The following SCMH1 variants were observed in gnomAD, a reference collection of about 807,000 sequenced individuals.
The protein encoded by SCMH1 is polycomb protein SCMH1.
In SCMH1, 37 loss-of-function variants were observed where a neutral mutation model predicts 70.8. The ratio of observed to expected loss-of-function variants is 0.52; its 90% CI spans 0.40 to 0.69. The LOEUF (loss-of-function observed/expected upper bound fraction) is 0.69. Ranked by LOEUF, SCMH1 falls within the 30% of genes least tolerant of loss-of-function variation. SCMH1 has a pLI of 0.00. For synonymous variants in SCMH1, 292 were observed against 307.4 expected, an observed-to-expected ratio of 0.95 and a Z score of 0.52; for missense variants, 607 against 827.3, an observed-to-expected ratio of 0.73 and a Z score of 3.27.
chr1:41,062,444 A>AAAT (rs955120933), intron 10 of SCMH1, among the ~76,000 whole-genome samples: 4 of 151,886 alleles, frequency 2.6e-5, no homozygotes, highest in African/African-American at 9.7e-5. Context: ...TCTCTACTAA[A>AAAT]AATATAAAAA....
intron 2 of SCMH1, among the ~76,000 whole-genome samples, chr1:41,180,373 G>C (rs1648374407): frequency 6.6e-6 from 1 of 152,176 alleles, no homozygotes; most frequent in African/African-American, 2.4e-5. Context: ...AGGGCAATCA[G>C]ACAGGAGAAG....
At chr1:41,081,136 C>A (rs892719926) in intron 8 of SCMH1, among the ~76,000 whole-genome samples, 1 of 151,982 alleles carries the variant, frequency 6.6e-6, no homozygotes, top group African/African-American at 2.4e-5. Context: ...ATTTAAAAAT[C>A]CACAAAATCA....
At chr1:41,138,437 T>C (rs541364354) in intron 6 of SCMH1, among the ~76,000 whole-genome samples, 77 of 152,356 alleles carry the variant, frequency 5.1e-4, no homozygotes, top group African/African-American at 1.7e-3. Flanking sequence ...ATATACATAT[T>C]GGATTTTTGT....
intron 1 of SCMH1, among the ~76,000 whole-genome samples, chr1:41,218,221 T>C (rs1658507985): frequency 6.6e-6 from 1 of 152,140 alleles, no homozygotes; most frequent in African/African-American, 2.4e-5. Context: ...GAACATAAAT[T>C]TTAGGGGGCC....
chr1:41,119,862 T>G (rs1164460742), intron 6 of SCMH1, among the ~76,000 whole-genome samples: 1 of 152,208 alleles, frequency 6.6e-6, no homozygotes, highest in East Asian at 1.9e-4. Flanking sequence ...CTTTTTTCCC[T>G]CTCTAATCTG....
chr1:41,197,752 G>A (rs931306193), intron 1 of SCMH1, among the ~76,000 whole-genome samples: 14 of 152,108 alleles, frequency 9.2e-5, no homozygotes, highest in African/African-American at 3.4e-4. Context: ...TCATTCAACT[G>A]TCTTGCAAAA....
intron 5 of SCMH1, among the ~76,000 whole-genome samples, chr1:41,146,903 TG>T (rs912004692): frequency 1.3e-5 from 2 of 152,218 alleles, no homozygotes; most frequent in African/African-American, 4.8e-5. Context: ...ATTTTTTTAA[TG>T]AATCAAAATT....
chr1:41,149,418 T>C (rs1644868481), intron 5 of SCMH1, among the ~76,000 whole-genome samples: 1 of 152,222 alleles, frequency 6.6e-6, no homozygotes, highest in Admixed American at 6.5e-5. Context: ...AAAATAATTA[T>C]TTTAATGTGT....
At chr1:41,142,188 T>C (rs1572549675) in intron 6 of SCMH1, among the ~76,000 whole-genome samples, 1 of 152,116 alleles carries the variant, frequency 6.6e-6, no homozygotes, top group Non-Finnish European at 1.5e-5. Context: ...TGATACATGC[T>C]CTCTAATTCT....
At chr1:41,181,403 G>A (rs1373695285) in intron 2 of SCMH1, among the ~76,000 whole-genome samples, 1 of 152,148 alleles carries the variant, frequency 6.6e-6, no homozygotes, top group Non-Finnish European at 1.5e-5. Context: ...CCATCAGAGT[G>A]AACAGGCAAC....
intron 14 of SCMH1, 72 bp downstream of exon 15, chr1:41,028,512 A>G (rs1055555214): frequency 1.9e-6 from 3 of 1,585,768 alleles, no homozygotes; most frequent in Non-Finnish European, 2.6e-6. Context: ...CTCCCCAAAC[A>G]TCTCGTATTG....
chr1:41,161,573 C>T (rs981725677), intron 2 of SCMH1, 141 bp from the exon 3 acceptor site: 11 of 944,392 alleles, frequency 1.2e-5, no homozygotes, highest in Non-Finnish European at 1.5e-5. Flanking sequence ...CTCCAAAATA[C>T]AAGAAAAAGG....
chr1:41,053,330 A>G (rs943264958), intron 10 of SCMH1, among the ~76,000 whole-genome samples: 3 of 152,192 alleles, frequency 2.0e-5, no homozygotes, highest in Admixed American at 6.5e-5. Context: ...AGGCAGAACT[A>G]TAAAGCCTTT....
intron 2 of SCMH1, among the ~76,000 whole-genome samples, chr1:41,184,014 T>C (rs1351029270): frequency 6.6e-6 from 1 of 152,184 alleles, no homozygotes; most frequent in Non-Finnish European, 1.5e-5. Context: ...TAGAGATTGA[T>C]GGTGGTGATG....
At chr1:41,167,901 G>C (rs1396465794) in intron 2 of SCMH1, among the ~76,000 whole-genome samples, 4 of 138,294 alleles carry the variant, frequency 2.9e-5, no homozygotes, top group Non-Finnish European at 6.1e-5. Flanking sequence ...ATGCTTTGCT[G>C]GCAGTGTTTT....
chr1:41,191,964 A>G (rs1213011740), intron 1 of SCMH1, among the ~76,000 whole-genome samples: 5 of 152,124 alleles, frequency 3.3e-5, no homozygotes, highest in Non-Finnish European at 5.9e-5. Context: ...CTGCTAATCT[A>G]TATCTCAATT....
At chr1:41,105,960 T>C (rs900932093) in intron 8 of SCMH1, among the ~76,000 whole-genome samples, 3 of 151,526 alleles carry the variant, frequency 2.0e-5, no homozygotes, top group Admixed American at 2.0e-4. Context: ...CTGCAACCTC[T>C]ACCTCCTGGG....
Position 41,113,762 on chromosome 1 carries a change from T to C in SCMH1, c.502-236A>G, listed in dbSNP as rs894895671. ...ATTTTTTAAAAAGGAAATAAAAGGT[T>C]GCAGATAAAGTTGAATCTCCCTTTC... On this transcript the variant is annotated intron_variant, in intron 7 of 14. Coordinates refer to ENST00000337495, the Ensembl canonical transcript of SCMH1. This position sits in a 1 kb window ranked among gnomAD's most constrained non-coding sequence, Gnocchi z 4.3. Among the ~76,000 whole-genome samples, 1 of 152,216 alleles carries C rather than the reference T, an allele frequency of 6.6e-6. No homozygotes were observed. The highest frequency in any genetic ancestry group is 6.5e-5 in the Admixed American group (1 of 15,280).
At position 41,194,388 on chromosome 1, in the gene SCMH1, C is replaced by T. The variant is rs76396370; in HGVS notation, c.-117-8138G>A. Among the ~76,000 whole-genome samples, 493 of 151,950 alleles carry T rather than the reference C, an allele frequency of 3.2e-3. 2 individuals carry two copies. The highest frequency in any genetic ancestry group is 5.8e-3 in the Admixed American group (89 of 15,274). ...AATAGGAAATCATTCTTCCTTAGTA[C>T]GATGTAGAAATCTAAAAGCGAAAGA... On this transcript the variant is annotated intron_variant, in intron 1 of 14. Transcript: ENST00000337495.
Sources: allele counts gnomAD v4.1 joint callset (sites outside exome capture counted in the v4.1 genomes callset), GRCh38; gene constraint gnomAD v4.1.1; non-coding constraint Gnocchi (gnomAD v3.1); transcripts MANE v1.5; gene names NCBI Gene and HGNC (gene_info 2026-07-23, HGNC 2026-07-21).